Variants in OVCH1 observed in about 807,000 individuals in gnomAD.
OVCH1 encodes ovochymase 1, also known as ovochymase-1.
A neutral mutation model predicts 138.4 loss-of-function variants in OVCH1; 139 were observed. The ratio of observed to expected loss-of-function variants is 1.00; its 90% CI spans 0.87 to 1.16. The LOEUF (loss-of-function observed/expected upper bound fraction) is 1.16, where lower values mean the gene tolerates loss of function less well. Among genes scored for constraint, OVCH1 ranks in the 50% most tolerant of loss-of-function variants. OVCH1 has a pLI of 0.00. For synonymous variants in OVCH1, 453 were observed against 467.8 expected, an observed-to-expected ratio of 0.97 and a Z score of 0.41; for missense variants, 1,367 against 1,357.9, an observed-to-expected ratio of 1.01 and a Z score of -0.11.
At chr12:29,413,661 TACACACATAC>T (rs1380383623) in intron 3 of OVCH1, among the ~76,000 whole-genome samples, 3 of 149,044 alleles carry the variant, frequency 2.0e-5, no homozygotes, top group South Asian at 2.1e-4. Flanking sequence ...CTGTGTGTAT[TACACACATAC>T]ACACACACAC....
chr12:29,491,869 T>C (rs1943281635), intron 4 of OVCH1, among the ~76,000 whole-genome samples: 1 of 152,206 alleles, frequency 6.6e-6, no homozygotes, highest in Non-Finnish European at 1.5e-5. Flanking sequence ...AGTAAGCGAA[T>C]GTTAGAAGAC....
At chr12:29,449,377 T>G (rs1357506176) in intron 22 of OVCH1, among the ~76,000 whole-genome samples, 1 of 151,974 alleles carries the variant, frequency 6.6e-6, no homozygotes, top group Non-Finnish European at 1.5e-5. Context: ...GTTAAGGATT[T>G]TTTTTTTCTA....
intron 25 of OVCH1, among the ~76,000 whole-genome samples, chr12:29,441,862 C>T (rs1166792715): frequency 6.6e-6 from 1 of 152,106 alleles, no homozygotes; most frequent in Non-Finnish European, 1.5e-5. Flanking sequence ...CCAAAAAACA[C>T]ATGAAAAAAT....
intron 26 of OVCH1, among the ~76,000 whole-genome samples, chr12:29,435,233 G>GT (rs1170503247): frequency 2.6e-5 from 4 of 152,262 alleles, no homozygotes; most frequent in Admixed American, 2.6e-4. Context: ...GCGTGAGCCT[G>GT]TAGTCCCAGC....
chr12:29,410,333 T>C (rs938702076), downstream of OVCH1, among the ~76,000 whole-genome samples: 1 of 151,446 alleles, frequency 6.6e-6, no homozygotes, highest in Non-Finnish European at 1.5e-5. Context: ...TTTTTATGTG[T>C]GAATTTGATC....
intron 16 of OVCH1, among the ~76,000 whole-genome samples, chr12:29,467,987 G>A (rs1942376424): frequency 6.6e-6 from 1 of 152,130 alleles, no homozygotes; most frequent in Admixed American, 6.6e-5. Context: ...TCAAGGATTA[G>A]ATTTAAAAAG....
At chr12:29,451,128 C>A (rs1225610535) in intron 22 of OVCH1, among the ~76,000 whole-genome samples, 1 of 151,906 alleles carries the variant, frequency 6.6e-6, no homozygotes, top group Non-Finnish European at 1.5e-5. Flanking sequence ...AACAAACCTG[C>A]ATGTTCTGCA....
chr12:29,443,418 C>G lies in OVCH1; in HGVS notation c.3100G>C (p.Val1034Leu), dbSNP rs1428683712. The G allele has an allele frequency of 6.2e-7, 1 of 1,611,730 alleles. No homozygotes were observed. ...TAAACACGCAGATGACCATGACAGA[C>G]AAAAGTTGTTGGCTTCATCGGGAAG... The change falls in exon 25 of 28, where the codon GTC becomes CTC. Residue 1034 changes from valine to leucine, a missense_variant. Val to Leu is a conservative substitution (Grantham distance 32, BLOSUM62 1). Transcript: ENST00000318184.
chr12:29,443,392 G>A (rs181469786), exon 25 of OVCH1: 157 of 1,611,276 alleles, frequency 9.7e-5, no homozygotes, highest in East Asian at 1.6e-4. Flanking sequence ...CAAATCCTTC[G>A]TAAACACGCA....
At chr12:29,467,404 G>A (rs1207572158) in intron 16 of OVCH1, among the ~76,000 whole-genome samples, 2 of 152,140 alleles carry the variant, frequency 1.3e-5, no homozygotes, top group Non-Finnish European at 2.9e-5. Flanking sequence ...TGCACTTTAT[G>A]ATACCACAAA....
chr12:29,457,360 C>T (rs895065482), intron 19 of OVCH1, among the ~76,000 whole-genome samples: 8 of 149,560 alleles, frequency 5.3e-5, no homozygotes, highest in African/African-American at 2.0e-4. Flanking sequence ...TGGTCCAGTC[C>T]ATAGTAAATA....
intron 26 of OVCH1, among the ~76,000 whole-genome samples, chr12:29,434,680 G>T (rs1592035243): frequency 6.6e-6 from 1 of 150,646 alleles, no homozygotes; most frequent in Middle Eastern, 3.2e-3. Context: ...TCATAAAAGT[G>T]AATCTCTTTC....
At chr12:29,436,409 A>G (rs1941360344) in intron 26 of OVCH1, among the ~76,000 whole-genome samples, 1 of 151,650 alleles carries the variant, frequency 6.6e-6, no homozygotes, top group South Asian at 2.1e-4. Flanking sequence ...ATTCTTCAAA[A>G]TTGTTGTCAA....
Position 29,476,197 on chromosome 12 carries a change from T to C in OVCH1, c.1471+9A>G, listed in dbSNP as rs1403747962. On this transcript the variant is annotated intron_variant, in intron 13 of 27. Transcript: ENST00000318184. ...ACACTTTCATATTTAAAGGGTGAAGTCTACCTACCTAACTTGTGCTTTTCT... is the reference window on the plus strand; with the variant it reads ...ACACTTTCATATTTAAAGGGTGAAGCCTACCTACCTAACTTGTGCTTTTCT... 4.4e-6 allele frequency: 7 copies of C among 1,602,316 alleles called. No individual in the cohort carries two copies. Among genetic ancestry groups the C allele is most frequent in the Non-Finnish European group, 6.0e-6 (7 of 1,169,338 alleles).
At chr12:29,424,545 G>T (rs1021867423), downstream of OVCH1, among the ~76,000 whole-genome samples, 1 of 152,328 alleles carries the variant, frequency 6.6e-6, no homozygotes, top group Middle Eastern at 3.4e-3. Flanking sequence ...AAACAGAGAG[G>T]TGTAGGGGTT....
chr12:29,429,250 G>A (rs1257899453), intron 27 of OVCH1, among the ~76,000 whole-genome samples: 3 of 152,098 alleles, frequency 2.0e-5, no homozygotes, highest in Non-Finnish European at 2.9e-5. Flanking sequence ...AAAACATATG[G>A]CATCTGGACA....
chr12:29,495,400 A>C, exon 4 of OVCH1: 1 of 1,613,542 alleles, frequency 6.2e-7, no homozygotes. Flanking sequence ...GTTCTTGCTT[A>C]TCCTTCTGAA....
At chr12:29,476,094 G>A (rs1942700648) in intron 13 of OVCH1, 112 bp downstream of exon 13, 1 of 854,600 alleles carries the variant, frequency 1.2e-6, no homozygotes, top group Non-Finnish European at 2.0e-6. Context: ...AGTTTCCAAA[G>A]CAAGAAATTC....
intron 27 of OVCH1, chr12:29,427,689 A>G (rs1363032708): frequency 5.2e-6 from 8 of 1,541,940 alleles, no homozygotes; most frequent in Non-Finnish European, 7.0e-6. Context: ...CACTCAGTCT[A>G]TGGTATTTGT....
Sources: gnomAD v4.1 joint callset for allele counts (sites outside exome capture counted in the v4.1 genomes callset) on GRCh38, gnomAD v4.1.1 for gene constraint, MANE v1.5 for transcripts, NCBI Gene and HGNC (gene_info 2026-07-23, HGNC 2026-07-21) for gene names.